RAB31: variants seen among roughly 807,000 people sequenced by gnomAD.
RAB31 encodes the protein RAB31, member RAS oncogene family, also known as ras-related protein Rab-31.
A neutral mutation model predicts 25.6 loss-of-function variants in RAB31; 21 were observed. The ratio of observed to expected loss-of-function variants is 0.82; its 90% CI spans 0.58 to 1.18. The LOEUF (loss-of-function observed/expected upper bound fraction) is 1.18. RAB31 is among the 50% of genes most tolerant of loss of function. The pLI is 0.00. For synonymous variants in RAB31, 87 were observed against 84.0 expected (o/e 1.04, Z -0.20); for missense variants, 196 against 250.1 (o/e 0.78, Z 1.46).
At chr18:9,710,990 A>C (rs1477795930) in intron 1 of RAB31, among the ~76,000 whole-genome samples, 1 of 151,792 alleles carries the variant, frequency 6.6e-6, no homozygotes, top group Non-Finnish European at 1.5e-5. Flanking sequence ...TGAAAGACCA[A>C]ATGACCTTGT....
At position 9,803,240 on chromosome 18, in the gene RAB31, C is replaced by CTTTTTTT. The variant is rs60889612; in HGVS notation, c.202-10772_202-10766dup. Among the ~76,000 whole-genome samples the CTTTTTTT allele has an allele frequency of 1.7e-3, 237 of 141,666 alleles. 1 individual carries two copies. Among genetic ancestry groups the CTTTTTTT allele is most frequent in the African/African-American group, 5.1e-3 (195 of 38,222 alleles). 92.9% of individuals were successfully genotyped at this position (141,666 alleles called of 152,430 possible). On this transcript the variant is annotated intron_variant, in intron 3 of 6. Coordinates refer to ENST00000578921, the MANE Select transcript of RAB31 (RefSeq NM_006868.4). ...CTTTCTTTTCTTCTCTTTTTCCTTT[C>CTTTTTTT]TTTTTTTTTTTTTTAGGCAGGGTCT...
chr18:9,797,250 A>G (rs2068490953), intron 3 of RAB31: 1 of 152,144 alleles, frequency 6.6e-6, no homozygotes. Flanking sequence ...AAACTTAAAC[A>G]GAGAGAGTTT....
intron 3 of RAB31, among the ~76,000 whole-genome samples, chr18:9,804,169 C>T (rs1461786335): frequency 6.6e-6 from 1 of 152,216 alleles, no homozygotes; most frequent in Non-Finnish European, 1.5e-5. Flanking sequence ...TCTTGCCCCT[C>T]GGGGGTTCTT....
At chr18:9,781,793 G>C (rs1202524175) in intron 2 of RAB31, among the ~76,000 whole-genome samples, 1 of 152,194 alleles carries the variant, frequency 6.6e-6, no homozygotes, top group Non-Finnish European at 1.5e-5. Flanking sequence ...TAAAGCTAGT[G>C]GGAACACTTT....
At chr18:9,783,379 C>G (rs2298504) in intron 2 of RAB31, among the ~76,000 whole-genome samples, 30 of 152,094 alleles carry the variant, frequency 2.0e-4, no homozygotes, top group African/African-American at 5.5e-4. Context: ...GGTTCCCCCC[C>G]CTTACCTGCA....
In RAB31 at chr18:9,830,881, T is replaced by TA. The variant is rs551831798; in HGVS notation, c.381-14701_381-14700insA. On this transcript the variant is annotated intron_variant, in intron 5 of 6. Coordinates refer to ENST00000578921, the MANE Select transcript of RAB31 (RefSeq NM_006868.4). ...AAATCACTTGAAATGGATTTTGATATGTATGCTGCTTAATTTTTCCCATGT... is the reference window on the plus strand; with the variant it reads ...AAATCACTTGAAATGGATTTTGATATAGTATGCTGCTTAATTTTTCCCATGT... Among the ~76,000 whole-genome samples the TA allele has an allele frequency of 1.4e-4, 21 of 152,358 alleles. No homozygotes were observed. In the East Asian group the frequency reaches 4.0e-3, roughly 29 times the overall value.
chr18:9,782,523 A>G (rs940860282), intron 2 of RAB31, among the ~76,000 whole-genome samples: 1 of 152,106 alleles, frequency 6.6e-6, no homozygotes, highest in African/African-American at 2.4e-5. Flanking sequence ...TAACATCTTG[A>G]GTGTGTGTGT....
intron 3 of RAB31, among the ~76,000 whole-genome samples, chr18:9,795,454 CAG>C (rs2068482412): frequency 6.6e-6 from 1 of 152,222 alleles, no homozygotes; most frequent in Admixed American, 6.5e-5. Flanking sequence ...AGACAATCCA[CAG>C]AGTGGGAGAA....
chr18:9,795,920 C>T (rs191470792), intron 3 of RAB31, among the ~76,000 whole-genome samples: 19 of 152,298 alleles, frequency 1.2e-4, no homozygotes, highest in African/African-American at 3.6e-4. Context: ...AGAAAAGATA[C>T]TTGCACACGC....
chr18:9,748,610 G>A (rs2068217684), intron 1 of RAB31, among the ~76,000 whole-genome samples: 3 of 144,832 alleles, frequency 2.1e-5, no homozygotes, highest in African/African-American at 7.7e-5. Context: ...AAATATAAGG[G>A]GACCAGATGC....
At position 9,791,492 on chromosome 18, in the gene RAB31, G is replaced by A. The variant is rs918643677; in HGVS notation, c.120-662G>A. Among the ~76,000 whole-genome samples the A allele has an allele frequency of 4.7e-5, 7 of 150,252 alleles. No homozygotes were observed. The South Asian group carries it at 1.0e-3, about 23-fold the overall frequency. ...GGCTCACTGCAGCCTCTGCCTCCCG[G>A]GTTCAAGTGATTCTCCTGCCGCAGC... On this transcript the variant is annotated intron_variant, in intron 2 of 6. Coordinates refer to ENST00000578921, the MANE Select transcript of RAB31 (RefSeq NM_006868.4).
chr18:9,791,096 T>G (rs2145499719), intron 2 of RAB31, among the ~76,000 whole-genome samples: 1 of 152,330 alleles, frequency 6.6e-6, no homozygotes, highest in African/African-American at 2.4e-5. Flanking sequence ...AGAGAAAACA[T>G]AAGTATGTGT....
At chr18:9,793,487 C>A (rs1029696275) in intron 3 of RAB31, among the ~76,000 whole-genome samples, 10 of 151,988 alleles carry the variant, frequency 6.6e-5, no homozygotes, top group Non-Finnish European at 1.0e-4. Flanking sequence ...ACAGTGAAAC[C>A]CTGTCTCTAC....
intron 1 of RAB31, among the ~76,000 whole-genome samples, chr18:9,745,881 A>T (rs1287557217): frequency 2.0e-5 from 3 of 152,336 alleles, no homozygotes; most frequent in South Asian, 4.1e-4. Flanking sequence ...AAGGATGCCC[A>T]CTTTCACCGT....
In RAB31 at chr18:9,859,632, A is replaced by T. The variant is rs931898170; in HGVS notation, c.*307A>T. On this transcript the variant is annotated 3_prime_UTR_variant, in exon 7 of 7. Transcript: ENST00000578921. ...TTTAAAAATTGTTGGATGTGTACAA[A>T]AGTCTTACTGCCTTATTATGTGTAT... 3.4e-5 allele frequency: 8 copies of T among 236,006 alleles called. 1 individual carries two copies. Among genetic ancestry groups the T allele is most frequent in the African/African-American group, 9.1e-5 (4 of 44,062 alleles). 14.6% of individuals were successfully genotyped at this position (236,006 alleles called of 1,614,324 possible). A position where few individuals can be genotyped will look rare whatever the true frequency, so the allele number is the denominator to read the frequency against.
chr18:9,718,775 G>A (rs995728049), intron 1 of RAB31, among the ~76,000 whole-genome samples: 2 of 152,110 alleles, frequency 1.3e-5, no homozygotes, highest in South Asian at 4.1e-4. Context: ...TGCAGACTGA[G>A]TCTTCCCATT....
At chr18:9,710,502 G>T (rs988872581) in intron 1 of RAB31, among the ~76,000 whole-genome samples, 2 of 152,188 alleles carry the variant, frequency 1.3e-5, no homozygotes, top group African/African-American at 4.8e-5. Flanking sequence ...ACTTGGAGTT[G>T]GAAGAACCAT....
intron 6 of RAB31, among the ~76,000 whole-genome samples, chr18:9,852,592 CTT>C (rs201534961): frequency 2.1e-5 from 3 of 144,970 alleles, no homozygotes; most frequent in African/African-American, 5.0e-5. Context: ...TGCTGAGTTC[CTT>C]TTTTTTTTTT....
chr18:9,761,793 G>A (rs1440053022), intron 1 of RAB31, among the ~76,000 whole-genome samples: 1 of 152,196 alleles, frequency 6.6e-6, no homozygotes, highest in Non-Finnish European at 1.5e-5. Flanking sequence ...AGGGTCGCAA[G>A]CATCTTTCAT....
Sources: gnomAD v4.1 joint callset for allele counts (sites outside exome capture counted in the v4.1 genomes callset) on GRCh38, gnomAD v4.1.1 for gene constraint, MANE v1.5 for transcripts, NCBI Gene and HGNC (gene_info 2026-07-23, HGNC 2026-07-21) for gene names.